Variants in SLIT3 observed in about 807,000 individuals in gnomAD.
SLIT3 encodes slit guidance ligand 3, also known as slit homolog 3 protein.
In SLIT3, 68 loss-of-function variants were observed where a neutral mutation model predicts 184.0. The observed-to-expected ratio is 0.37, with a 90% CI of 0.30 to 0.45. The LOEUF (loss-of-function observed/expected upper bound fraction) is 0.45. SLIT3 is among the 20% of genes least tolerant of loss of function. SLIT3 has a pLI of 1.00. For synonymous variants in SLIT3, 831 were observed against 828.6 expected (o/e 1.00, Z -0.05); for missense variants, 1,707 against 2,026.0 (o/e 0.84, Z 3.02).
intron 6 of SLIT3, among the ~76,000 whole-genome samples, chr5:168,835,932 C>T (rs1561958929): frequency 1.3e-5 from 2 of 152,302 alleles, no homozygotes; most frequent in Admixed American, 1.3e-4. Context: ...ATTGGGATTA[C>T]AGGCATGATC....
At chr5:169,140,098 G>A (rs1471857719) in intron 4 of SLIT3, among the ~76,000 whole-genome samples, 3 of 151,816 alleles carry the variant, frequency 2.0e-5, no homozygotes, top group Non-Finnish European at 4.4e-5. Flanking sequence ...AAGAGTCCAG[G>A]GAATACTAAA....
chr5:168,723,784 C>T (rs1763022307), intron 21 of SLIT3, among the ~76,000 whole-genome samples: 1 of 152,288 alleles, frequency 6.6e-6, no homozygotes, highest in African/African-American at 2.4e-5. Context: ...CTTTTAAATC[C>T]TCTGATGCCT....
chr5:169,279,704 A>G (rs1766932217), intron 1 of SLIT3, among the ~76,000 whole-genome samples: 1 of 152,218 alleles, frequency 6.6e-6, no homozygotes, highest in East Asian at 1.9e-4. Context: ...AATATGCACA[A>G]GAGGCAGAAT....
intron 4 of SLIT3, among the ~76,000 whole-genome samples, chr5:168,937,640 C>T (rs1762201776): frequency 6.6e-6 from 1 of 152,066 alleles, no homozygotes; most frequent in South Asian, 2.1e-4. Flanking sequence ...CTGGAAGCAA[C>T]TAGGATGGTG....
At chr5:168,705,753 A>G (rs1166665553) in intron 26 of SLIT3, among the ~76,000 whole-genome samples, 1 of 152,224 alleles carries the variant, frequency 6.6e-6, no homozygotes. Context: ...CGGTCAGGTC[A>G]TGCTTCATAG....
Position 169,227,474 on chromosome 5 carries a change from C to T in SLIT3, c.341+17231G>A, listed in dbSNP as rs1347820537. 2.0e-5 allele frequency among the ~76,000 whole-genome samples: 3 copies of T among 152,236 alleles called. No homozygotes were observed. The East Asian group carries it at 5.8e-4, about 29-fold the overall frequency. On this transcript the variant is annotated intron_variant, in intron 3 of 35. Coordinates refer to ENST00000519560, the MANE Select transcript of SLIT3 (RefSeq NM_003062.4). ...AGAAAGTCTCACTCTGTCACCCAGG[C>T]TGGAATACAGTGGCACGATCTTGGC...
intron 4 of SLIT3, among the ~76,000 whole-genome samples, chr5:169,085,219 G>C (rs1003985701): frequency 5.3e-5 from 8 of 152,162 alleles, no homozygotes; most frequent in Admixed American, 3.9e-4. Flanking sequence ...CTCAGAGCCA[G>C]AGCAGGTCGG....
At chr5:169,153,664 G>C (rs1217252166) in intron 4 of SLIT3, among the ~76,000 whole-genome samples, 1 of 152,252 alleles carries the variant, frequency 6.6e-6, no homozygotes, top group Non-Finnish European at 1.5e-5. Flanking sequence ...TCCTAAATCA[G>C]CACAAGAAGT....
chr5:168,704,633 T>C (rs546825617), intron 26 of SLIT3, among the ~76,000 whole-genome samples: 107 of 152,346 alleles, frequency 7.0e-4, no homozygotes, highest in Non-Finnish European at 1.3e-3. Flanking sequence ...TTAAGAGTAC[T>C]ACAAGAGATA....
chr5:168,897,575 G>A (rs1173725488), intron 4 of SLIT3, among the ~76,000 whole-genome samples: 3 of 151,570 alleles, frequency 2.0e-5, no homozygotes, highest in African/African-American at 4.8e-5. Flanking sequence ...AGAAGAGACC[G>A]TGAAAGGAAG....
At chr5:169,229,824 T>G (rs1435360320) in intron 3 of SLIT3, among the ~76,000 whole-genome samples, 2 of 152,142 alleles carry the variant, frequency 1.3e-5, no homozygotes, top group African/African-American at 4.8e-5. Flanking sequence ...ATGGCGTACA[T>G]GCATTTAACT....
intron 3 of SLIT3, among the ~76,000 whole-genome samples, chr5:169,215,770 A>C (rs899941522): frequency 6.6e-6 from 1 of 152,196 alleles, no homozygotes; most frequent in Non-Finnish European, 1.5e-5. Flanking sequence ...TAAATAAATG[A>C]TACATTTCAA....
Position 168,662,660 on chromosome 5 carries a change from T to G in SLIT3, c.*3794A>C, listed in dbSNP as rs1760906491. ...TACATTTAAGGTTTTTAGTTTACAC[T>G]TTACAAAGAACTTTTAAATACATAA... On this transcript the variant is annotated 3_prime_UTR_variant, in exon 36 of 36. Transcript: ENST00000519560. 1 of 152,248 alleles carries G rather than the reference T, an allele frequency of 6.6e-6. No homozygotes were observed. Among genetic ancestry groups the G allele is most frequent in the Non-Finnish European group, 1.5e-5 (1 of 68,048 alleles). The allele number at this position is 152,248 out of a possible 1,614,324, so 9.4% of individuals were successfully genotyped here. A position where few individuals can be genotyped will look rare whatever the true frequency, so the allele number is the denominator to read the frequency against.
chr5:169,145,965 C>A (rs1761910387), intron 4 of SLIT3, among the ~76,000 whole-genome samples: 1 of 152,148 alleles, frequency 6.6e-6, no homozygotes, highest in Non-Finnish European at 1.5e-5. Flanking sequence ...GCAGGAGAAT[C>A]ACTTAAACCC....
At position 169,216,791 on chromosome 5, in the gene SLIT3, G is replaced by A. The variant is rs529190671; in HGVS notation, c.342-23241C>T. ...TGAGTTTGTCTTTTCTCTCTTTTCC[G>A]GATGTGGGTCTTTATATGTCTGTCA... On this transcript the variant is annotated intron_variant, in intron 3 of 35. Coordinates refer to ENST00000519560, the MANE Select transcript of SLIT3 (RefSeq NM_003062.4). Among the ~76,000 whole-genome samples, 137 of 152,246 alleles carry A rather than the reference G, an allele frequency of 9.0e-4. 2 individuals are homozygous for A. In the South Asian group the frequency reaches 0.02, roughly 22 times the overall value.
intron 4 of SLIT3, among the ~76,000 whole-genome samples, chr5:169,102,622 T>C (rs1760062136): frequency 6.6e-6 from 1 of 152,170 alleles, no homozygotes. Context: ...GTTGAAACCA[T>C]GGATATGGAA....
intron 25 of SLIT3, 65 bp downstream of exon 25, chr5:168,710,829 CA>C (rs1458950459): frequency 1.5e-6 from 2 of 1,331,284 alleles, no homozygotes; most frequent in Middle Eastern, 2.8e-4. Flanking sequence ...CCTGCTCTGA[CA>C]GGTTGCTGGG....
chr5:168,676,989 C>G (rs2113197590), intron 32 of SLIT3, among the ~76,000 whole-genome samples: 1 of 152,364 alleles, frequency 6.6e-6, no homozygotes, highest in South Asian at 2.1e-4. Context: ...GCAGAAGCCA[C>G]AGATCAGAGA....
At chr5:169,163,626 A>T (rs1762545292) in intron 4 of SLIT3, among the ~76,000 whole-genome samples, 1 of 152,132 alleles carries the variant, frequency 6.6e-6, no homozygotes, top group Non-Finnish European at 1.5e-5. Context: ...TTAATTTCTG[A>T]TTCTCCCTGA....
Sources: allele counts gnomAD v4.1 joint callset (sites outside exome capture counted in the v4.1 genomes callset), GRCh38; gene constraint gnomAD v4.1.1; transcripts MANE v1.5; gene names NCBI Gene and HGNC (gene_info 2026-07-23, HGNC 2026-07-21).